The following DIPK2B variants were observed in gnomAD, a reference collection of about 807,000 sequenced individuals.
DIPK2B encodes the protein divergent protein kinase domain 2B.
Under a neutral mutation model 22.2 loss-of-function variants are expected in DIPK2B, and 15 were observed. That is an observed-to-expected ratio of 0.68 (90% confidence interval 0.45 to 1.04). The LOEUF (loss-of-function observed/expected upper bound fraction) is 1.04, where lower values mean the gene tolerates loss of function less well. DIPK2B is among the 50% of genes least tolerant of loss of function. The probability of loss-of-function intolerance (pLI) is 0.00; values close to 1 mark genes in which losing one functional copy is unlikely to be tolerated. For missense variants in DIPK2B, 345 were observed against 348.3 expected (o/e 0.99, Z 0.08); for synonymous variants, 163 against 153.2 (o/e 1.06, Z -0.47).
intron 3 of DIPK2B, 29 bp from the exon 4 acceptor site, chrX:45,154,227 G>T: frequency 8.7e-7 from 1 of 1,148,931 alleles, no homozygotes. Flanking sequence ...GAGGATTAGA[G>T]AGAAAAATCT....
intron 2 of DIPK2B, among the ~76,000 whole-genome samples, chrX:45,168,794 C>T (rs755481760): frequency 1.8e-5 from 2 of 111,947 alleles, no homozygotes; most frequent in Middle Eastern, 4.6e-3. Context: ...CATCGGCCTG[C>T]GGAGCGGTCT....
chrX:45,192,099 C>T, intron 1 of DIPK2B, 84 bp from the exon 2 acceptor site: 3 of 921,810 alleles, frequency 3.3e-6, no homozygotes, highest in Non-Finnish European at 4.4e-6. Flanking sequence ...GGGACAATAG[C>T]CCAACTGATC....
intron 4 of DIPK2B, among the ~76,000 whole-genome samples, chrX:45,152,729 G>C (rs1210916589): frequency 9.0e-6 from 1 of 110,960 alleles, no homozygotes; most frequent in African/African-American, 3.3e-5. Context: ...TCAGGAGTTC[G>C]AGACCAGCCT....
chrX:45,160,053 C>T (rs936684551), intron 2 of DIPK2B, among the ~76,000 whole-genome samples: 1 of 109,908 alleles, frequency 9.1e-6, no homozygotes, highest in African/African-American at 3.3e-5. Context: ...CCTTATTGTT[C>T]TTGTGATAAG....
chrX:45,155,654 C>T (rs2148333555), intron 3 of DIPK2B, among the ~76,000 whole-genome samples: 1 of 108,909 alleles, frequency 9.2e-6, no homozygotes, highest in South Asian at 4.0e-4. Flanking sequence ...TTCCAGACAG[C>T]CTAAAACTGG....
intron 2 of DIPK2B, among the ~76,000 whole-genome samples, chrX:45,172,423 C>T (rs1233607854): frequency 1.8e-5 from 2 of 111,936 alleles, no homozygotes; most frequent in East Asian, 2.8e-4. Flanking sequence ...TGCTGTCAAA[C>T]GTTTGGCAGC....
intron 2 of DIPK2B, among the ~76,000 whole-genome samples, chrX:45,175,067 T>C (rs950101306): frequency 1.8e-5 from 2 of 111,528 alleles, no homozygotes; most frequent in Non-Finnish European, 3.8e-5. Context: ...TATATAAATC[T>C]CTCTAAGCCT....
intron 3 of DIPK2B, among the ~76,000 whole-genome samples, chrX:45,155,308 A>G (rs190407861): frequency 2.7e-5 from 3 of 110,876 alleles, no homozygotes; most frequent in African/African-American, 9.8e-5. Context: ...CTGTAATCCC[A>G]GCTACTCTGG....
At chrX:45,178,435 T>C (rs1202755014) in intron 2 of DIPK2B, among the ~76,000 whole-genome samples, 1 of 111,763 alleles carries the variant, frequency 8.9e-6, no homozygotes. Context: ...ACCCTTCTGC[T>C]GTAAATAGCT....
chrX:45,156,773 G>A (rs1449016351), intron 3 of DIPK2B, among the ~76,000 whole-genome samples: 1 of 111,669 alleles, frequency 9.0e-6, no homozygotes, highest in Non-Finnish European at 1.9e-5. Context: ...CTGGCACATA[G>A]CAGGTGCTCA....
In DIPK2B at chrX:45,151,977, T is replaced by C; in HGVS notation, c.977A>G (p.Asn326Ser). Residue 326 changes from asparagine (N) to serine (S), a missense_variant, in exon 5 of 5, where the codon AAC becomes AGC. Physicochemically the swap from Asn to Ser is conservative, Grantham distance 46 (BLOSUM62 1). Transcript: ENST00000398000. ...AATGTCTTTATTCTCTCCTGCCCTGTTGGCTTCTTGGCTGCCTAGAAAAGA... is the reference window on the plus strand; with the variant it reads ...AATGTCTTTATTCTCTCCTGCCCTGCTGGCTTCTTGGCTGCCTAGAAAAGA... ...IDKQEGSQEANRAGENKDIFS... is the reference protein window; with the variant it reads ...IDKQEGSQEASRAGENKDIFS... 8.6e-7 allele frequency: 1 copy of C among 1,168,667 alleles called. No individual in the cohort carries two copies. Among genetic ancestry groups the C allele is most frequent in the Non-Finnish European group, 1.1e-6 (1 of 872,995 alleles).
chrX:45,163,868 G>A (rs769717141), intron 2 of DIPK2B: 25 of 844,155 alleles, frequency 3.0e-5, no homozygotes, highest in Non-Finnish European at 3.6e-5. Flanking sequence ...TCCAGACTGA[G>A]AATCTTGCCA....
At chrX:45,174,267 G>A (rs1270030310) in intron 2 of DIPK2B, among the ~76,000 whole-genome samples, 2 of 111,727 alleles carry the variant, frequency 1.8e-5, no homozygotes, top group Admixed American at 1.9e-4. Context: ...TCCTGTCTGA[G>A]GTTGTTGTAA....
Position 45,163,404 on chromosome X carries a change from G to A in DIPK2B, c.499-5516C>T, listed in dbSNP as rs1304185274. The A allele has an allele frequency of 1.3e-5, 10 of 753,680 alleles. No homozygotes were observed. The South Asian group carries it at 2.0e-4, about 15-fold the overall frequency. The allele number at this position is 753,680 out of a possible 1,213,427, so 62.1% of individuals were successfully genotyped here. On this transcript the variant is annotated intron_variant, in intron 2 of 4. Transcript: ENST00000398000. Reference sequence around the variant, plus strand: ...TACACTAGCTAAAGGAAAAACACTCGTTCATTACAAAAATGGACAGCAATG... The same window carrying A: ...TACACTAGCTAAAGGAAAAACACTCATTCATTACAAAAATGGACAGCAATG...
chrX:45,167,257 G>A (rs1168374708), intron 2 of DIPK2B, among the ~76,000 whole-genome samples: 1 of 110,954 alleles, frequency 9.0e-6, no homozygotes, highest in African/African-American at 3.3e-5. Context: ...TTGGGAGGCC[G>A]AGGTGGGAGG....
At chrX:45,175,333 A>G in intron 2 of DIPK2B, among the ~76,000 whole-genome samples, 1 of 111,445 alleles carries the variant, frequency 9.0e-6, no homozygotes. Flanking sequence ...ACTATGGTCC[A>G]TACATGTGAG....
chrX:45,155,670 G>A (rs1169807973), intron 3 of DIPK2B, among the ~76,000 whole-genome samples: 1 of 109,211 alleles, frequency 9.2e-6, no homozygotes, highest in East Asian at 2.9e-4. Flanking sequence ...ACTGGCCTAG[G>A]GAAGCATGAA....
intron 3 of DIPK2B, among the ~76,000 whole-genome samples, chrX:45,155,443 T>C (rs1209589737): frequency 1.9e-5 from 2 of 105,310 alleles, no homozygotes; most frequent in Non-Finnish European, 3.9e-5. Flanking sequence ...TATATATATA[T>C]ATATATATTT....
At position 45,151,594 on chromosome X, in the gene DIPK2B, G is replaced by A; in HGVS notation, c.*58C>T. 1.3e-5 allele frequency: 14 copies of A among 1,087,675 alleles called. No individual in the cohort carries two copies. Among genetic ancestry groups the A allele is most frequent in the South Asian group, 4.2e-5 (2 of 47,793 alleles). The allele number at this position is 1,087,675 out of a possible 1,213,427, so 89.6% of individuals were successfully genotyped here. A position where few individuals can be genotyped will look rare whatever the true frequency, so the allele number is the denominator to read the frequency against. On this transcript the variant is annotated 3_prime_UTR_variant, in exon 5 of 5. Transcript: ENST00000398000. ...GCTTCTTTCTACCTTGCAGCAACCC[G>A]ACTGGGAGAATGGAGAGCCAAGCGT...
Sources: allele counts gnomAD v4.1 joint callset (sites outside exome capture counted in the v4.1 genomes callset), GRCh38; gene constraint gnomAD v4.1.1; transcripts MANE v1.5; gene names NCBI Gene and HGNC (gene_info 2026-07-23, HGNC 2026-07-21).